Variants in KCNQ3 observed in about 807,000 individuals in gnomAD.
KCNQ3 encodes potassium voltage-gated channel subfamily Q member 3.
KCNQ3 carries 30 observed loss-of-function variants against 92.5 expected under a neutral mutation model. The observed-to-expected ratio is 0.32, with a 90% confidence interval of 0.24 to 0.44. KCNQ3 has a LOEUF of 0.44. Among genes scored for constraint, KCNQ3 ranks in the 20% least tolerant of loss-of-function variants. KCNQ3 has a pLI of 1.00. For missense variants in KCNQ3, 913 were observed against 1,140.3 expected (o/e 0.80, Z 2.87); for synonymous variants, 450 against 468.8 (o/e 0.96, Z 0.52).
At chr8:132,337,245 A>G (rs1484903235) in intron 1 of KCNQ3, among the ~76,000 whole-genome samples, 1 of 152,156 alleles carries the variant, frequency 6.6e-6, no homozygotes, top group Non-Finnish European at 1.5e-5. Context: ...GCACTTTGGC[A>G]GTCCAAGGCA....
chr8:132,251,305 C>A (rs377174806), intron 1 of KCNQ3, among the ~76,000 whole-genome samples: 7 of 152,110 alleles, frequency 4.6e-5, no homozygotes, highest in African/African-American at 1.7e-4. Flanking sequence ...TCCAAAAAAG[C>A]TGCCTTCATT....
intron 1 of KCNQ3, among the ~76,000 whole-genome samples, chr8:132,464,539 T>G (rs1174352045): frequency 7.9e-5 from 12 of 152,224 alleles, no homozygotes; most frequent in Non-Finnish European, 2.9e-5. Context: ...CAGCTCAGGT[T>G]TTATGATTCC....
intron 9 of KCNQ3, among the ~76,000 whole-genome samples, chr8:132,142,722 T>C (rs950901139): frequency 6.6e-6 from 1 of 152,226 alleles, no homozygotes; most frequent in African/African-American, 2.4e-5. Context: ...AAATCAGCTC[T>C]GCATGGGTTT....
At chr8:132,186,868 C>G (rs919684164) in intron 1 of KCNQ3, among the ~76,000 whole-genome samples, 3 of 146,352 alleles carry the variant, frequency 2.0e-5, no homozygotes, top group Middle Eastern at 3.3e-3. Flanking sequence ...GAACTACAAA[C>G]AATTTTTTAA....
At chr8:132,409,232 T>C (rs1458031201) in intron 1 of KCNQ3, among the ~76,000 whole-genome samples, 14 of 152,142 alleles carry the variant, frequency 9.2e-5, no homozygotes, top group Non-Finnish European at 4.4e-5. Flanking sequence ...AAGTTTTTCC[T>C]ATTCATCTCT....
chr8:132,410,763 G>T (rs2130796954), intron 1 of KCNQ3, among the ~76,000 whole-genome samples: 1 of 152,346 alleles, frequency 6.6e-6, no homozygotes, highest in East Asian at 1.9e-4. Flanking sequence ...TCAAGGTCAT[G>T]TCATTACACG....
chr8:132,480,706 G>C lies in KCNQ3; in HGVS notation c.-174C>G. 1 of 640,608 alleles carries C rather than the reference G, an allele frequency of 1.6e-6. No homozygotes were observed. The highest frequency in any genetic ancestry group is 6.1e-5 in the South Asian group (1 of 16,418). 39.7% of individuals were successfully genotyped at this position (640,608 alleles called of 1,614,324 possible). A position where few individuals can be genotyped will look rare whatever the true frequency, so the allele number is the denominator to read the frequency against. Reference sequence around the variant, plus strand: ...AAAGCAGGCAAAGGCGGGCCCCCTGGGGGGCAGGGGAGGCCAGGCAGGGGG... The same window carrying C: ...AAAGCAGGCAAAGGCGGGCCCCCTGCGGGGCAGGGGAGGCCAGGCAGGGGG... On this transcript the variant is annotated 5_prime_UTR_variant, in exon 1 of 15. Coordinates refer to ENST00000388996, the MANE Select transcript of KCNQ3 (RefSeq NM_004519.4).
At chr8:132,150,240 T>G (rs992879029) in intron 9 of KCNQ3, among the ~76,000 whole-genome samples, 1 of 152,174 alleles carries the variant, frequency 6.6e-6, no homozygotes, top group Non-Finnish European at 1.5e-5. Flanking sequence ...GGTAGCAAAC[T>G]TTGCTGCAGG....
chr8:132,187,954 G>GATGATGTTGCTGATGGTAGTGC lies in KCNQ3; in HGVS notation c.387-1774_387-1773insGCACTACCATCAGCAACATCAT, dbSNP rs879553863. On this transcript the variant is annotated intron_variant, in intron 1 of 14. Transcript: ENST00000388996. ...AGTGATGGTGGTGGTGGTGGTGGTTGTGATGATGGTAACAACATCAGTAAC... is the reference window on the plus strand; with the variant it reads ...AGTGATGGTGGTGGTGGTGGTGGTTGATGATGTTGCTGATGGTAGTGCTGATGATGGTAACAACATCAGTAAC... Among the ~76,000 whole-genome samples, 300 of 150,758 alleles carry GATGATGTTGCTGATGGTAGTGC rather than the reference G, an allele frequency of 2.0e-3. 1 individual carries two copies. The highest frequency in any genetic ancestry group is 6.9e-3 in the African/African-American group (282 of 40,620).
intron 1 of KCNQ3, among the ~76,000 whole-genome samples, chr8:132,374,528 A>C (rs1434811155): frequency 1.3e-5 from 2 of 152,182 alleles, no homozygotes; most frequent in Non-Finnish European, 2.9e-5. Flanking sequence ...CGTTTTCAAA[A>C]AACTTTTATT....
chr8:132,445,906 T>C (rs567815735), intron 1 of KCNQ3, among the ~76,000 whole-genome samples: 1 of 152,252 alleles, frequency 6.6e-6, no homozygotes, highest in African/African-American at 2.4e-5. Context: ...TTTCTCTACA[T>C]CCCTATCTGT....
intron 8 of KCNQ3, among the ~76,000 whole-genome samples, chr8:132,164,787 C>T (rs1029254843): frequency 2.0e-5 from 3 of 152,090 alleles, no homozygotes; most frequent in Non-Finnish European, 4.4e-5. Flanking sequence ...ACTGTCCATT[C>T]CTCTTTCACT....
At chr8:132,224,748 T>C (rs971895530) in intron 1 of KCNQ3, among the ~76,000 whole-genome samples, 3 of 123,660 alleles carry the variant, frequency 2.4e-5, no homozygotes, top group Non-Finnish European at 5.8e-5. Flanking sequence ...TACCTTGATT[T>C]TGATACTTTT....
At chr8:132,309,802 T>C (rs1250421320) in intron 1 of KCNQ3, among the ~76,000 whole-genome samples, 1 of 152,214 alleles carries the variant, frequency 6.6e-6, no homozygotes, top group Non-Finnish European at 1.5e-5. Context: ...AGAGTTTGAA[T>C]CCCAGCTATC....
At chr8:132,397,913 T>G (rs1047150646) in intron 1 of KCNQ3, among the ~76,000 whole-genome samples, 9 of 152,120 alleles carry the variant, frequency 5.9e-5, no homozygotes, top group African/African-American at 2.2e-4. Flanking sequence ...CTATACAAAA[T>G]CCTAGGAAAT....
chr8:132,420,248 T>C (rs568249154), intron 1 of KCNQ3, among the ~76,000 whole-genome samples: 8 of 152,254 alleles, frequency 5.3e-5, no homozygotes, highest in African/African-American at 1.9e-4. Context: ...CACCTCCTAA[T>C]ACTATCACAC....
intron 1 of KCNQ3, among the ~76,000 whole-genome samples, chr8:132,323,973 C>T (rs1242379106): frequency 5.3e-5 from 8 of 152,232 alleles, no homozygotes; most frequent in Admixed American, 2.0e-4. Context: ...TCAGCCTCCT[C>T]TCCCATGGCT....
intron 1 of KCNQ3, among the ~76,000 whole-genome samples, chr8:132,361,218 C>A (rs1238848116): frequency 6.6e-6 from 1 of 152,242 alleles, no homozygotes; most frequent in East Asian, 1.9e-4. Context: ...CTCTCTGAAG[C>A]CAAGTAGTTT....
intron 1 of KCNQ3, chr8:132,187,155 C>T (rs1826997083): frequency 2.2e-6 from 1 of 456,042 alleles, no homozygotes; most frequent in Admixed American, 2.3e-5. Context: ...CTAAGCTCTC[C>T]TACTCCAGGT....
Sources: gnomAD v4.1 joint callset for allele counts (sites outside exome capture counted in the v4.1 genomes callset) on GRCh38, gnomAD v4.1.1 for gene constraint, MANE v1.5 for transcripts, NCBI Gene and HGNC (gene_info 2026-07-23, HGNC 2026-07-21) for gene names.